Variants in ZNRF1 observed in about 807,000 individuals in gnomAD.
ZNRF1 encodes zinc and ring finger 1.
In ZNRF1, 3 loss-of-function variants were observed where a neutral mutation model predicts 18.4. That is an observed-to-expected ratio of 0.16 (90% confidence interval 0.07 to 0.42). ZNRF1 has a LOEUF of 0.42. Among genes scored for constraint, ZNRF1 ranks in the 10% least tolerant of loss-of-function variants. The pLI, the probability that ZNRF1 is intolerant of heterozygous loss-of-function variation, is 0.99. For missense variants in ZNRF1, 310 were observed against 329.8 expected, an observed-to-expected ratio of 0.94 and a Z score of 0.47; for synonymous variants, 157 against 144.2, an observed-to-expected ratio of 1.09 and a Z score of -0.64.
chr16:75,091,162 CAGTCT>C (rs1763648466), intron 1 of ZNRF1, among the ~76,000 whole-genome samples: 2 of 152,016 alleles, frequency 1.3e-5, no homozygotes, highest in East Asian at 1.9e-4. Flanking sequence ...CATTTGAGAC[CAGTCT>C]AGCCAATGTG....
chr16:75,022,575 A>C (rs1227611052), intron 1 of ZNRF1, among the ~76,000 whole-genome samples: 1 of 152,188 alleles, frequency 6.6e-6, no homozygotes, highest in South Asian at 2.1e-4. Context: ...CAAAAAAAAA[A>C]CAAAACAAAA....
chr16:74,999,400 C>G lies in ZNRF1; in HGVS notation c.-272C>G. 3.3e-6 allele frequency: 1 copy of G among 298,962 alleles called. No individual in the cohort carries two copies. The highest frequency in any genetic ancestry group is 6.1e-6 in the Non-Finnish European group (1 of 162,936). 18.5% of individuals were successfully genotyped at this position (298,962 alleles called of 1,614,324 possible). ...GGGGCGGCCTGTGGCGCGCGGAGCC[C>G]GCGCCGGACTGCGCCTCTTTGGACC... On this transcript the variant is annotated 5_prime_UTR_variant, in exon 1 of 5. Transcript: ENST00000335325.
chr16:75,062,945 G>C (rs1309996188), intron 1 of ZNRF1, among the ~76,000 whole-genome samples: 1 of 152,172 alleles, frequency 6.6e-6, no homozygotes, highest in Non-Finnish European at 1.5e-5. Context: ...TGGAGATAGT[G>C]CCCCCTTTCT....
At chr16:75,075,997 GGA>G (rs1395849047) in intron 1 of ZNRF1, among the ~76,000 whole-genome samples, 7 of 152,182 alleles carry the variant, frequency 4.6e-5, no homozygotes, top group Non-Finnish European at 7.3e-5. Flanking sequence ...TGTGGACTCA[GGA>G]GAGAGGAAAA....
intron 1 of ZNRF1, among the ~76,000 whole-genome samples, chr16:75,077,849 ATC>A (rs1404607484): frequency 6.6e-6 from 1 of 152,034 alleles, no homozygotes; most frequent in Admixed American, 6.5e-5. Flanking sequence ...GCATCTTCAA[ATC>A]TCTGTCTGTC....
intron 1 of ZNRF1, among the ~76,000 whole-genome samples, chr16:75,091,806 G>A (rs955521688): frequency 5.3e-5 from 8 of 151,940 alleles, no homozygotes; most frequent in African/African-American, 1.9e-4. Context: ...CAGAGTACTG[G>A]AATTACAGGC....
At chr16:75,085,828 G>T (rs543816188) in intron 1 of ZNRF1, among the ~76,000 whole-genome samples, 1 of 152,040 alleles carries the variant, frequency 6.6e-6, no homozygotes, top group South Asian at 2.1e-4. Context: ...GTGAGTGTGT[G>T]TGTGTGTGTG....
intron 2 of ZNRF1, among the ~76,000 whole-genome samples, chr16:75,101,322 G>A (rs1331127843): frequency 6.6e-6 from 1 of 152,204 alleles, no homozygotes; most frequent in African/African-American, 2.4e-5. Context: ...TTGGGAGGCC[G>A]AGGTAGGTGG....
At chr16:75,073,807 G>C (rs2035904287) in intron 1 of ZNRF1, among the ~76,000 whole-genome samples, 1 of 151,978 alleles carries the variant, frequency 6.6e-6, no homozygotes, top group Non-Finnish European at 1.5e-5. Flanking sequence ...GCTGTATTCT[G>C]ATTGACCTGT....
At chr16:75,025,592 A>T (rs2035211790) in intron 1 of ZNRF1, among the ~76,000 whole-genome samples, 1 of 152,092 alleles carries the variant, frequency 6.6e-6, no homozygotes, top group Non-Finnish European at 1.5e-5. Context: ...CCTCCTATAA[A>T]CTTAGTTTGT....
intron 1 of ZNRF1, among the ~76,000 whole-genome samples, chr16:75,082,136 C>G (rs1850210246): frequency 6.6e-6 from 1 of 152,192 alleles, no homozygotes; most frequent in Non-Finnish European, 1.5e-5. Flanking sequence ...CCTGCCTCAG[C>G]CTCCCAAAGT....
chr16:75,095,655 G>A (rs1425530138), intron 2 of ZNRF1: 7 of 1,550,116 alleles, frequency 4.5e-6, no homozygotes, highest in African/African-American at 2.7e-5. Flanking sequence ...CTCTCAGGAA[G>A]AACTTTGCAA....
chr16:75,034,151 C>T (rs994054079), intron 1 of ZNRF1, among the ~76,000 whole-genome samples: 2 of 152,056 alleles, frequency 1.3e-5, no homozygotes, highest in Admixed American at 6.6e-5. Context: ...AGCGAGGCTC[C>T]GTCTCAAAAA....
In ZNRF1 at chr16:75,082,095, C is replaced by T. The variant is rs150659932; in HGVS notation, c.425-11477C>T. Among the ~76,000 whole-genome samples the T allele has an allele frequency of 1.2e-4, 18 of 152,188 alleles. No individual in the cohort carries two copies. In the East Asian group the frequency reaches 2.9e-3, roughly 24 times the overall value. On this transcript the variant is annotated intron_variant, in intron 1 of 4. Transcript: ENST00000335325. ...GGTCTCACTATGTTGCCCAGGCTGG[C>T]GGTCTTGAACTCCTGACTTAAAGCA... is the stretch of plus-strand genomic sequence containing the variant.
At chr16:75,065,589 AT>A (rs1322436538) in intron 1 of ZNRF1, among the ~76,000 whole-genome samples, 64 of 152,354 alleles carry the variant, frequency 4.2e-4, no homozygotes, top group Middle Eastern at 6.8e-3. Flanking sequence ...TAAAGGTCTT[AT>A]CCCTTCTTCT....
intron 1 of ZNRF1, among the ~76,000 whole-genome samples, chr16:75,082,474 A>G (rs1005078911): frequency 1.3e-5 from 2 of 152,180 alleles, no homozygotes; most frequent in African/African-American, 4.8e-5. Flanking sequence ...GCTCACCTCC[A>G]TGCACACAGT....
intron 1 of ZNRF1, among the ~76,000 whole-genome samples, chr16:75,070,210 C>T (rs907848476): frequency 6.6e-6 from 1 of 152,156 alleles, no homozygotes; most frequent in Admixed American, 6.5e-5. Flanking sequence ...CCCACTGGCC[C>T]CAGGAGCATA....
chr16:75,064,889 C>T (rs1402010059), intron 1 of ZNRF1, among the ~76,000 whole-genome samples: 1 of 152,220 alleles, frequency 6.6e-6, no homozygotes, highest in East Asian at 1.9e-4. Context: ...ACAGCTCACC[C>T]TCCTGCTCCC....
At chr16:75,055,909 A>G (rs369713033) in intron 1 of ZNRF1, among the ~76,000 whole-genome samples, 3 of 152,180 alleles carry the variant, frequency 2.0e-5, no homozygotes. Flanking sequence ...AAAACCATCA[A>G]TGTTTCTGTT....
Sources: gnomAD v4.1 joint callset for allele counts (sites outside exome capture counted in the v4.1 genomes callset) on GRCh38, gnomAD v4.1.1 for gene constraint, MANE v1.5 for transcripts, NCBI Gene and HGNC (gene_info 2026-07-23, HGNC 2026-07-21) for gene names.